The following BPGM variants were observed in gnomAD, a reference collection of about 807,000 sequenced individuals.
BPGM encodes the protein bisphosphoglycerate mutase.
Under a neutral mutation model 21.6 loss-of-function variants are expected in BPGM, and 15 were observed. The ratio of observed to expected loss-of-function variants is 0.70; its 90% CI spans 0.47 to 1.07. The LOEUF is 1.07. Among genes scored for constraint, BPGM ranks in the 50% least tolerant of loss-of-function variants. The pLI, the probability that BPGM is intolerant of heterozygous loss-of-function variation, is 0.00. For missense variants in BPGM, 273 were observed against 319.0 expected (o/e 0.86, Z 1.10); for synonymous variants, 113 against 116.2 (o/e 0.97, Z 0.18).
intron 2 of BPGM, among the ~76,000 whole-genome samples, chr7:134,674,557 A>G (rs1312813113): frequency 6.6e-6 from 1 of 152,238 alleles, no homozygotes; most frequent in Non-Finnish European, 1.5e-5. Flanking sequence ...TGCTTTCAAG[A>G]TTCATCCAAG....
chr7:134,652,031 A>G (rs1316818004), intron 1 of BPGM, among the ~76,000 whole-genome samples: 1 of 152,220 alleles, frequency 6.6e-6, no homozygotes, highest in African/African-American at 2.4e-5. Flanking sequence ...TCAATCTTGA[A>G]CCTATTCCTA....
chr7:134,666,038 TGG>T (rs1430306709), intron 2 of BPGM, among the ~76,000 whole-genome samples: 3 of 151,986 alleles, frequency 2.0e-5, no homozygotes, highest in Non-Finnish European at 2.9e-5. Context: ...CCACCACACC[TGG>T]CTAATTTTTG....
intron 1 of BPGM, among the ~76,000 whole-genome samples, chr7:134,654,058 C>T (rs1009591708): frequency 1.3e-5 from 2 of 152,124 alleles, no homozygotes; most frequent in Non-Finnish European, 1.5e-5. Flanking sequence ...CAGAAATATT[C>T]TCTCCCATCC....
chr7:134,657,589 C>T (rs909583668), intron 1 of BPGM, among the ~76,000 whole-genome samples: 9 of 152,136 alleles, frequency 5.9e-5, no homozygotes, highest in African/African-American at 1.4e-4. Flanking sequence ...GGAAGCAGGA[C>T]GCTGCCCATC....
intron 1 of BPGM, chr7:134,660,280 T>C (rs1795709117): frequency 6.6e-6 from 1 of 152,478 alleles, no homozygotes; most frequent in African/African-American, 2.4e-5. Flanking sequence ...AAATCTCCAG[T>C]TAATGGAAGT....
chr7:134,660,171 G>A (rs1795707584), intron 1 of BPGM, among the ~76,000 whole-genome samples: 1 of 152,006 alleles, frequency 6.6e-6, no homozygotes, highest in Non-Finnish European at 1.5e-5. Flanking sequence ...GAATCTCTAG[G>A]AATTACTAAA....
intron 1 of BPGM, among the ~76,000 whole-genome samples, chr7:134,650,374 T>G (rs1795536939): frequency 6.6e-6 from 1 of 152,218 alleles, no homozygotes; most frequent in Non-Finnish European, 1.5e-5. Flanking sequence ...GGTTGGTTAT[T>G]CTTGTAACAA....
chr7:134,659,134 G>A (rs1267856484), intron 1 of BPGM, among the ~76,000 whole-genome samples: 1 of 152,046 alleles, frequency 6.6e-6, no homozygotes, highest in African/African-American at 2.4e-5. Flanking sequence ...AGCTTATGGA[G>A]GTTTCTCACT....
At chr7:134,678,562 T>C (rs1280706134) in intron 2 of BPGM, among the ~76,000 whole-genome samples, 1 of 152,244 alleles carries the variant, frequency 6.6e-6, no homozygotes, top group African/African-American at 2.4e-5. Context: ...AACACAAATG[T>C]GGGCATAGAG....
chr7:134,667,617 G>A (rs969055784), intron 2 of BPGM, among the ~76,000 whole-genome samples: 15 of 152,128 alleles, frequency 9.9e-5, no homozygotes, highest in African/African-American at 3.4e-4. Flanking sequence ...GGCATAACCA[G>A]GGTTTTATAT....
intron 2 of BPGM, among the ~76,000 whole-genome samples, chr7:134,672,389 C>G (rs756747609): frequency 2.0e-5 from 3 of 152,078 alleles, no homozygotes; most frequent in Non-Finnish European, 4.4e-5. Context: ...CTGCTCCTCT[C>G]CACCCTACTG....
Position 134,661,463 on chromosome 7 carries a change from G to T in BPGM, c.-45G>T, listed in dbSNP as rs757265084. The T allele has an allele frequency of 1.4e-5, 23 of 1,613,244 alleles. No homozygotes were observed. The highest frequency in any genetic ancestry group is 1.9e-5 in the Non-Finnish European group (22 of 1,179,664). On this transcript the variant is annotated 5_prime_UTR_variant, in exon 2 of 3. The change abolishes the stop of an existing upstream ORF in the 5' untranslated region. Transcript: ENST00000344924. The surrounding 1 kb of genome is among the most constrained non-coding windows in gnomAD (Gnocchi z 4.6). ...TCTTTCTAGATGTATTGCTGTCCTT[G>T]AATATTAGCCCATTTGAAAACGCCT...
intron 1 of BPGM, among the ~76,000 whole-genome samples, chr7:134,650,317 A>G (rs1374217511): frequency 6.6e-6 from 1 of 152,172 alleles, no homozygotes; most frequent in Non-Finnish European, 1.5e-5. Context: ...TGCACATCTC[A>G]TTACATATGT....
chr7:134,678,785 T>C (rs1001376353), intron 2 of BPGM, 68 bp from the exon 3 acceptor site: 20 of 1,427,636 alleles, frequency 1.4e-5, no homozygotes, highest in Non-Finnish European at 2.0e-5. Context: ...AGTGCAGTTA[T>C]ATAATTAAAC....
chr7:134,661,389 TTC>T lies in BPGM; in HGVS notation c.-61-56_-61-55del, dbSNP rs1795727869. The T allele has an allele frequency of 2.0e-6, 3 of 1,464,688 alleles. No homozygotes were observed. The highest frequency in any genetic ancestry group is 2.1e-4 in the Middle Eastern group (1 of 4,866). The allele number at this position is 1,464,688 out of a possible 1,614,324, so 90.7% of individuals were successfully genotyped here. The stretch of plus-strand genomic sequence containing the variant: ...GAAATTGGGTGTTGTAAAGCGATGT[TTC>T]TATTCCTAGATTGTCAGTTGAATAT... On this transcript the variant is annotated intron_variant, in intron 1 of 2. Coordinates refer to ENST00000344924, the MANE Select transcript of BPGM (RefSeq NM_001724.5). The surrounding 1 kb of genome is among the most constrained non-coding windows in gnomAD (Gnocchi z 4.6).
At chr7:134,653,214 A>T (rs1300000297) in intron 1 of BPGM, among the ~76,000 whole-genome samples, 1 of 152,254 alleles carries the variant, frequency 6.6e-6, no homozygotes, top group Non-Finnish European at 1.5e-5. Context: ...GCAGAATTAT[A>T]CAATTGTACC....
intron 2 of BPGM, among the ~76,000 whole-genome samples, chr7:134,662,630 T>G (rs1219324047): frequency 6.6e-6 from 1 of 152,194 alleles, no homozygotes; most frequent in African/African-American, 2.4e-5. Context: ...TCTTCCAACT[T>G]TAAACAATGA....
At chr7:134,669,557 G>A (rs925801002) in intron 2 of BPGM, among the ~76,000 whole-genome samples, 1 of 152,068 alleles carries the variant, frequency 6.6e-6, no homozygotes, top group Admixed American at 6.6e-5. Flanking sequence ...ACACTGAGAG[G>A]CAAGTGATAC....
At chr7:134,657,520 C>A (rs748664549) in intron 1 of BPGM, among the ~76,000 whole-genome samples, 1 of 152,112 alleles carries the variant, frequency 6.6e-6, no homozygotes, top group Non-Finnish European at 1.5e-5. Flanking sequence ...GCAAGACTTT[C>A]AACATTGAAG....
Sources: gnomAD v4.1 joint callset for allele counts (sites outside exome capture counted in the v4.1 genomes callset) on GRCh38, gnomAD v4.1.1 for gene constraint, Gnocchi (gnomAD v3.1) non-coding constraint, MANE v1.5 for transcripts, NCBI Gene and HGNC (gene_info 2026-07-23, HGNC 2026-07-21) for gene names.